Variants in ATRNL1 observed in about 807,000 individuals in gnomAD.
ATRNL1 encodes the protein attractin like 1, also known as attractin-like protein 1.
ATRNL1 carries 95 observed loss-of-function variants against 182.7 expected under a neutral mutation model. That is an observed-to-expected ratio of 0.52 (90% CI 0.44 to 0.62). The LOEUF (loss-of-function observed/expected upper bound fraction) is 0.62, where lower values mean the gene tolerates loss of function less well. Ranked by LOEUF, ATRNL1 falls within the 20% of genes least tolerant of loss-of-function variation. The probability of loss-of-function intolerance (pLI) is 0.00; values close to 1 mark genes in which losing one functional copy is unlikely to be tolerated. For synonymous variants in ATRNL1, 576 were observed against 568.3 expected (o/e 1.01, Z -0.19); for missense variants, 1,471 against 1,679.5 (o/e 0.88, Z 2.17).
chr10:115,609,325 A>G (rs781887301), intron 26 of ATRNL1, among the ~76,000 whole-genome samples: 3 of 152,148 alleles, frequency 2.0e-5, no homozygotes, highest in Non-Finnish European at 4.4e-5. Flanking sequence ...AGTTGAGAGC[A>G]CTGCTGAGGA....
At chr10:115,713,750 A>ATC (rs1555055490) in intron 26 of ATRNL1, among the ~76,000 whole-genome samples, 21 of 151,512 alleles carry the variant, frequency 1.4e-4, no homozygotes, top group African/African-American at 5.1e-4. Flanking sequence ...CTATCTATCT[A>ATC]TAGTCTCTCC....
chr10:115,709,566 AT>A (rs1173168263), intron 26 of ATRNL1, among the ~76,000 whole-genome samples: 1 of 152,036 alleles, frequency 6.6e-6, no homozygotes, highest in East Asian at 1.9e-4. Flanking sequence ...GGATTCAGAG[AT>A]GAGAAAATGT....
At chr10:115,112,531 G>A (rs1844303201) in intron 1 of ATRNL1, among the ~76,000 whole-genome samples, 1 of 152,094 alleles carries the variant, frequency 6.6e-6, no homozygotes, top group Non-Finnish European at 1.5e-5. Flanking sequence ...GTTTGAAAAG[G>A]GCCCCTATCA....
chr10:115,281,187 A>G (rs1031871360), intron 13 of ATRNL1, among the ~76,000 whole-genome samples, 168 bp from the exon 14 acceptor site: 4 of 152,216 alleles, frequency 2.6e-5, no homozygotes, highest in Non-Finnish European at 4.4e-5. Flanking sequence ...AATTTAATTT[A>G]ATTTAATAAA....
intron 5 of ATRNL1, among the ~76,000 whole-genome samples, chr10:115,158,013 T>TA (rs1554882489): frequency 6.6e-6 from 1 of 152,042 alleles, no homozygotes; most frequent in African/African-American, 2.4e-5. Flanking sequence ...GGCCTGTTTT[T>TA]AATGTTTTAT....
At chr10:115,487,028 T>G (rs545328829) in intron 24 of ATRNL1, among the ~76,000 whole-genome samples, 2 of 152,320 alleles carry the variant, frequency 1.3e-5, no homozygotes, top group Admixed American at 1.3e-4. Context: ...TTGTCAGGTT[T>G]GTCAAAGATC....
chr10:115,698,757 A>G (rs1252393824), intron 26 of ATRNL1, among the ~76,000 whole-genome samples: 1 of 151,952 alleles, frequency 6.6e-6, no homozygotes, highest in Non-Finnish European at 1.5e-5. Context: ...CAGCCTGGCA[A>G]CAGAGCGAGA....
At chr10:115,912,945 C>T (rs1335141372) in intron 28 of ATRNL1, among the ~76,000 whole-genome samples, 1 of 152,170 alleles carries the variant, frequency 6.6e-6, no homozygotes, top group African/African-American at 2.4e-5. Flanking sequence ...AGTTGCTAGA[C>T]TGCCCAGAGC....
At chr10:115,155,688 A>G (rs1554881878) in intron 5 of ATRNL1, among the ~76,000 whole-genome samples, 2 of 152,162 alleles carry the variant, frequency 1.3e-5, no homozygotes, top group Admixed American at 1.3e-4. Flanking sequence ...TGGCTATGTT[A>G]AGTACTTTTC....
At chr10:115,234,951 CCTT>C (rs1554901018) in intron 9 of ATRNL1, among the ~76,000 whole-genome samples, 2 of 152,192 alleles carry the variant, frequency 1.3e-5, no homozygotes, top group South Asian at 2.1e-4. Context: ...TTTATACTCT[CCTT>C]CTCAGATTTT....
At chr10:115,832,043 T>A (rs1555093923) in intron 27 of ATRNL1, among the ~76,000 whole-genome samples, 1 of 152,166 alleles carries the variant, frequency 6.6e-6, no homozygotes, top group African/African-American at 2.4e-5. Flanking sequence ...TGTCCTAACT[T>A]CCCTTTTATG....
At chr10:115,891,893 A>G (rs537527156) in intron 28 of ATRNL1, among the ~76,000 whole-genome samples, 10 of 152,304 alleles carry the variant, frequency 6.6e-5, no homozygotes, top group Non-Finnish European at 1.3e-4. Context: ...GTGCAGTTTA[A>G]ATAGGACATT....
At chr10:115,103,593 A>T (rs1047504647) in intron 1 of ATRNL1, among the ~76,000 whole-genome samples, 4 of 152,174 alleles carry the variant, frequency 2.6e-5, no homozygotes, top group Non-Finnish European at 5.9e-5. Context: ...CAGGGTAAAT[A>T]GGGTATTCAT....
intron 21 of ATRNL1, among the ~76,000 whole-genome samples, chr10:115,431,101 C>T (rs1846139227): frequency 6.6e-6 from 1 of 151,954 alleles, no homozygotes; most frequent in Admixed American, 6.6e-5. Flanking sequence ...TTTAATTGAT[C>T]AAGATTGAAA....
At chr10:115,202,037 G>A (rs1161693660) in intron 8 of ATRNL1, among the ~76,000 whole-genome samples, 36 of 151,860 alleles carry the variant, frequency 2.4e-4, no homozygotes, top group African/African-American at 7.2e-4. Flanking sequence ...CTGTTTGTCT[G>A]TTATTGGTGT....
intron 20 of ATRNL1, among the ~76,000 whole-genome samples, chr10:115,400,627 T>C (rs1844518925): frequency 6.6e-6 from 1 of 152,144 alleles, no homozygotes; most frequent in African/African-American, 2.4e-5. Context: ...TGGATTCTCC[T>C]GTATAGGTGC....
chr10:115,747,516 A>G (rs1030543748), intron 27 of ATRNL1, among the ~76,000 whole-genome samples: 2 of 152,134 alleles, frequency 1.3e-5, no homozygotes, highest in Admixed American at 6.6e-5. Context: ...ACCAAGGAAT[A>G]TGTAATGAAT....
chr10:115,825,662 G>A (rs1283744347), intron 27 of ATRNL1, among the ~76,000 whole-genome samples: 12 of 151,948 alleles, frequency 7.9e-5, no homozygotes, highest in African/African-American at 2.4e-4. Flanking sequence ...CCTGTTAATC[G>A]TCAGTGTGTT....
chr10:115,866,150 T>C (rs1337735283), intron 28 of ATRNL1, among the ~76,000 whole-genome samples: 17 of 152,218 alleles, frequency 1.1e-4, no homozygotes, highest in Non-Finnish European at 2.5e-4. Context: ...TTTGTTAAAA[T>C]TTTTTAATGC....
Sources: allele counts gnomAD v4.1 joint callset (sites outside exome capture counted in the v4.1 genomes callset), GRCh38; gene constraint gnomAD v4.1.1; transcripts MANE v1.5; gene names NCBI Gene and HGNC (gene_info 2026-07-23, HGNC 2026-07-21).